Variants in SRR observed in about 807,000 individuals in gnomAD.
SRR encodes serine racemase.
In SRR, 19 loss-of-function variants were observed where a neutral mutation model predicts 32.7. The observed-to-expected ratio is 0.58, with a 90% CI of 0.40 to 0.85. The LOEUF (loss-of-function observed/expected upper bound fraction) is 0.85. Among genes scored for constraint, SRR ranks in the 40% least tolerant of loss-of-function variants. The pLI is 0.00. For synonymous variants in SRR, 142 were observed against 140.9 expected, an observed-to-expected ratio of 1.01 and a Z score of -0.06; for missense variants, 373 against 404.7, an observed-to-expected ratio of 0.92 and a Z score of 0.67.
At chr17:2,316,946 T>C (rs1292428550) in intron 2 of SRR, among the ~76,000 whole-genome samples, 1 of 149,406 alleles carries the variant, frequency 6.7e-6, no homozygotes, top group African/African-American at 2.5e-5. Context: ...AGGATGTTCT[T>C]GATCTGACCT....
intron 6 of SRR, chr17:2,322,658 G>A (rs571686203): frequency 6.6e-6 from 1 of 152,432 alleles, no homozygotes; most frequent in East Asian, 2.0e-4. Context: ...CTGCCACCAT[G>A]CCTGGCTAGT....
chr17:2,303,712 T>G, upstream of SRR: 1 of 1,492,362 alleles, frequency 6.7e-7, no homozygotes, highest in Non-Finnish European at 8.9e-7. Flanking sequence ...GCTCCAGCCC[T>G]TCCGCCATCT....
intron 1 of SRR, among the ~76,000 whole-genome samples, chr17:2,305,757 T>C (rs1474371993): frequency 6.6e-6 from 1 of 152,120 alleles, no homozygotes; most frequent in Non-Finnish European, 1.5e-5. Context: ...TGGAGTGCAG[T>C]GGCACAATCT....
chr17:2,310,459 G>A (rs1024657712), intron 1 of SRR, among the ~76,000 whole-genome samples: 2 of 152,044 alleles, frequency 1.3e-5, no homozygotes, highest in African/African-American at 2.4e-5. Flanking sequence ...CAAGCAGTCC[G>A]CCCACCTAAA....
Position 2,323,300 on chromosome 17 carries a change from G to A in SRR, c.759G>A (p.Arg253=), listed in dbSNP as rs940852219. The A allele has an allele frequency of 1.2e-6, 2 of 1,614,032 alleles. No individual in the cohort carries two copies. The highest frequency in any genetic ancestry group is 1.7e-6 in the Non-Finnish European group (2 of 1,179,940). The change falls in exon 7 of 8, where the codon AGG becomes AGA. Residue 253 remains arginine, a synonymous_variant. Coordinates refer to ENST00000344595, the MANE Select transcript of SRR (RefSeq NM_021947.3). ...GCTTGAACACCTGGCCTATTATCAGGGACCTTGTGGATGATATCTTCACTG... is the reference window on the plus strand; with the variant it reads ...GCTTGAACACCTGGCCTATTATCAGAGACCTTGTGGATGATATCTTCACTG... ...SIGLNTWPII[R]DLVDDIFTVT...
rs755058835 is a variant in SRR at position 2,315,705 on chromosome 17, T to C, written c.145T>C (p.Phe49Leu). The C allele has an allele frequency of 1.2e-5, 20 of 1,613,902 alleles. No homozygotes were observed. The highest frequency in any genetic ancestry group is 1.7e-5 in the Admixed American group (1 of 59,986). ...GRNLFFKCEL[F>L]QKTGSFKIRG... ...CAATCTTTTCTTCAAATGTGAACTC[T>C]TCCAGAAAACAGGATCTTTTAAGGT... Residue 49 changes from phenylalanine (F) to leucine (L), a missense_variant, in exon 2 of 8, where the codon TTC becomes CTC. Phe to Leu is a conservative substitution (Grantham distance 22, BLOSUM62 0). Coordinates refer to ENST00000344595, the MANE Select transcript of SRR (RefSeq NM_021947.3).
At chr17:2,322,104 A>T (rs1347340864) in intron 6 of SRR, among the ~76,000 whole-genome samples, 1 of 151,746 alleles carries the variant, frequency 6.6e-6, no homozygotes, top group East Asian at 1.9e-4. Flanking sequence ...TAATATTTTT[A>T]TTTTTTTTAA....
At chr17:2,303,816 C>G, upstream of SRR, 1 of 1,013,288 alleles carries the variant, frequency 9.9e-7, no homozygotes, top group Non-Finnish European at 1.4e-6. Flanking sequence ...CGCCCACCTC[C>G]CGGCCTTTCC....
intron 3 of SRR, among the ~76,000 whole-genome samples, chr17:2,318,200 G>A (rs1027739785): frequency 7.9e-5 from 12 of 151,868 alleles, no homozygotes; most frequent in Admixed American, 5.9e-4. Flanking sequence ...GCTGGAGAGC[G>A]GTGACGCGAT....
chr17:2,323,898 A>G lies in SRR; in HGVS notation c.*25A>G, dbSNP rs751223644. 74 of 1,600,098 alleles carry G rather than the reference A, an allele frequency of 4.6e-5. No individual in the cohort carries two copies. Among genetic ancestry groups the G allele is most frequent in the Non-Finnish European group, 6.1e-5 (71 of 1,168,256 alleles). Reference sequence around the variant, plus strand: ...ATTTACAGAAAAGGAAATGGTGGGAATTCAGTGTCTTTAGATACTGAAGAC... The same window carrying G: ...ATTTACAGAAAAGGAAATGGTGGGAGTTCAGTGTCTTTAGATACTGAAGAC... On this transcript the variant is annotated 3_prime_UTR_variant, in exon 8 of 8. Transcript: ENST00000344595.
intron 4 of SRR, among the ~76,000 whole-genome samples, chr17:2,320,922 G>T (rs780993294): frequency 5.9e-5 from 9 of 152,100 alleles, no homozygotes; most frequent in Non-Finnish European, 1.3e-4. Context: ...AACCTTTTTA[G>T]CTGTTCCTCA....
intron 1 of SRR, among the ~76,000 whole-genome samples, chr17:2,313,986 C>A (rs1567775939): frequency 1.3e-5 from 2 of 152,016 alleles, no homozygotes; most frequent in East Asian, 1.9e-4. Context: ...AATATAGATT[C>A]TTTTGTAATA....
intron 7 of SRR, 114 bp from the exon 8 acceptor site, chr17:2,323,541 G>A (rs1212108910): frequency 1.5e-5 from 18 of 1,235,926 alleles, no homozygotes; most frequent in African/African-American, 3.0e-5. Context: ...TTTGGGAAGC[G>A]TGTGTACACA....
At chr17:2,309,569 C>T (rs1446739345) in intron 1 of SRR, among the ~76,000 whole-genome samples, 1 of 152,326 alleles carries the variant, frequency 6.6e-6, no homozygotes, top group South Asian at 2.1e-4. Flanking sequence ...CCAGTTCCCA[C>T]TAATGTTCCT....
chr17:2,308,572 T>C (rs553569297), intron 1 of SRR, among the ~76,000 whole-genome samples: 24 of 152,176 alleles, frequency 1.6e-4, no homozygotes, highest in Non-Finnish European at 2.9e-5. Flanking sequence ...TAAAGAAAAA[T>C]TTTTGGCTGG....
chr17:2,306,636 G>A (rs1597256571), intron 1 of SRR: 1 of 323,678 alleles, frequency 3.1e-6, no homozygotes, highest in East Asian at 6.8e-5. Flanking sequence ...AGAATCACTT[G>A]AACCAAGGAG....
In SRR at chr17:2,315,477, G is replaced by C. The variant is rs141969970; in HGVS notation, c.-4-80G>C. On this transcript the variant is annotated intron_variant, in intron 1 of 7. Coordinates refer to ENST00000344595, the MANE Select transcript of SRR (RefSeq NM_021947.3). The stretch of plus-strand genomic sequence containing the variant: ...ACACCACAGGCCCCAGGTCTATTCT[G>C]TTACGTATTTTCAAAATCTCTTCAA... 1.0e-4 allele frequency: 144 copies of C among 1,380,304 alleles called. No homozygotes were observed. The East Asian group carries it at 3.4e-3, about 33-fold the overall frequency. 85.5% of individuals were successfully genotyped at this position (1,380,304 alleles called of 1,614,324 possible).
chr17:2,323,573 G>C, intron 7 of SRR, 82 bp from the exon 8 acceptor site: 1 of 1,421,956 alleles, frequency 7.0e-7, no homozygotes, highest in Non-Finnish European at 9.8e-7. Flanking sequence ...ATTCAAACTG[G>C]ACACGTATTC....
At chr17:2,323,022 C>T (rs1490113355) in intron 6 of SRR, 114 bp from the exon 7 acceptor site, 1 of 1,118,062 alleles carries the variant, frequency 8.9e-7, no homozygotes. Context: ...GCCTCGGGCT[C>T]CCAAAGTGTT....
Sources: gnomAD v4.1 joint callset for allele counts (sites outside exome capture counted in the v4.1 genomes callset) on GRCh38, gnomAD v4.1.1 for gene constraint, MANE v1.5 for transcripts, NCBI Gene and HGNC (gene_info 2026-07-23, HGNC 2026-07-21) for gene names.